PRKAG3: variants seen among roughly 807,000 people sequenced by gnomAD.
The protein encoded by PRKAG3 is protein kinase AMP-activated non-catalytic subunit gamma 3.
PRKAG3 carries 39 observed loss-of-function variants against 56.5 expected under a neutral mutation model. The ratio of observed to expected loss-of-function variants is 0.69; its 90% CI spans 0.53 to 0.90. The LOEUF is 0.90. PRKAG3 is among the 40% of genes least tolerant of loss of function. The pLI is 0.00. For synonymous variants in PRKAG3, 243 were observed against 250.1 expected (o/e 0.97, Z 0.27); for missense variants, 628 against 627.5 (o/e 1.00, Z -0.01).
chr2:218,823,937 G>T, intron 12 of PRKAG3, 59 bp from the exon 13 acceptor site: 1 of 1,527,082 alleles, frequency 6.5e-7, no homozygotes. Flanking sequence ...CAGCTACTGA[G>T]GTTGGTGCCA....
downstream of PRKAG3, chr2:218,822,864 C>T (rs1943874874): frequency 1.0e-6 from 1 of 983,770 alleles, no homozygotes; most frequent in Non-Finnish European, 1.2e-6. Flanking sequence ...TGACTAAACC[C>T]ACTGGGGCCA....
intron 4 of PRKAG3, among the ~76,000 whole-genome samples, chr2:218,829,278 T>C (rs1023007208): frequency 1.3e-5 from 2 of 151,846 alleles, no homozygotes; most frequent in African/African-American, 4.8e-5. Context: ...ATTTTTTCTG[T>C]TACCAAGAGA....
chr2:218,830,901 T>C (rs1332627582), exon 3 of PRKAG3: 4 of 1,613,558 alleles, frequency 2.5e-6, no homozygotes, highest in Non-Finnish European at 2.5e-6. Flanking sequence ...GAAGCTCATC[T>C]CTGGAAGGGG....
chr2:218,828,726 G>A (rs1028236304), intron 4 of PRKAG3, 126 bp from the exon 5 acceptor site: 1 of 757,612 alleles, frequency 1.3e-6, no homozygotes. Flanking sequence ...TTCTTCCATG[G>A]GGCCTTCTCC....
intron 2 of PRKAG3, 68 bp from the exon 3 acceptor site, chr2:218,830,969 C>T: frequency 6.5e-7 from 1 of 1,548,950 alleles, no homozygotes; most frequent in Non-Finnish European, 8.9e-7. Context: ...AAATGTTATT[C>T]ATAATCTTTA....
intron 10 of PRKAG3, among the ~76,000 whole-genome samples, chr2:218,825,621 C>T (rs1575210836): frequency 6.6e-6 from 1 of 152,136 alleles, no homozygotes; most frequent in East Asian, 1.9e-4. Context: ...GCACTTTAGC[C>T]TGAGTGACAG....
Position 218,827,909 on chromosome 2 carries a change from G to T in PRKAG3, c.775-31C>A. ...GACATCGACAGGACTCCAGAAGTCAGAAAGACGTGGGCTTCTAGGGCACCA... is the reference window on the plus strand; with the variant it reads ...GACATCGACAGGACTCCAGAAGTCATAAAGACGTGGGCTTCTAGGGCACCA... On this transcript the variant is annotated intron_variant, in intron 6 of 12. Transcript: ENST00000529249. The surrounding 1 kb of genome is among the most constrained non-coding windows in gnomAD (Gnocchi z 5.3). 4 of 1,613,288 alleles carry T rather than the reference G, an allele frequency of 2.5e-6. No homozygotes were observed. In the South Asian group the frequency reaches 3.3e-5, roughly 13 times the overall value.
intron 5 of PRKAG3, 66 bp downstream of exon 5, chr2:218,828,453 G>T: frequency 6.8e-7 from 1 of 1,471,214 alleles, no homozygotes; most frequent in Non-Finnish European, 9.3e-7. Flanking sequence ...ATCAGCCCCA[G>T]AACAACCGTA....
chr2:218,831,225 C>G, intron 2 of PRKAG3, 111 bp downstream of exon 2: 1 of 861,268 alleles, frequency 1.2e-6, no homozygotes, highest in South Asian at 1.8e-5. Flanking sequence ...GAAGAAAGAC[C>G]AAAAGGAGGA....
chr2:218,830,159 C>T (rs565420674), exon 4 of PRKAG3: 1 of 1,614,146 alleles, frequency 6.2e-7, no homozygotes, highest in South Asian at 1.1e-5. Context: ...TTCCAGCAGG[C>T]CTTCTAGCTC....
downstream of PRKAG3, chr2:218,822,950 G>T (rs1396419562): frequency 3.0e-6 from 3 of 985,658 alleles, no homozygotes; most frequent in African/African-American, 3.5e-5. Flanking sequence ...AGTGCCTCTG[G>T]TTCAGGGACC....
downstream of PRKAG3, chr2:218,822,981 TCTC>T (rs1368092322): frequency 4.4e-4 from 434 of 985,384 alleles, no homozygotes; most frequent in Non-Finnish European, 5.1e-4. Context: ...ACTCAGCTGT[TCTC>T]CTTAATTTCA....
rs141905498 is a variant in PRKAG3, at chr2:218,826,776, C to T, written c.1168+152G>A. On this transcript the variant is annotated intron_variant, in intron 10 of 12. Transcript: ENST00000529249. ...GCACAGAGAGGCTAAGCAACTTGCCCAAGTCTCAGAGTAGACGGAGACTTC... is the reference window on the plus strand; with the variant it reads ...GCACAGAGAGGCTAAGCAACTTGCCTAAGTCTCAGAGTAGACGGAGACTTC... The T allele has an allele frequency of 2.6e-3, 2,661 of 1,008,348 alleles. 7 individuals carry two copies. Among genetic ancestry groups the T allele is most frequent in the Middle Eastern group, 8.0e-3 (26 of 3,254 alleles). 62.5% of individuals were successfully genotyped at this position (1,008,348 alleles called of 1,614,324 possible). A position where few individuals can be genotyped will look rare whatever the true frequency, so the allele number is the denominator to read the frequency against.
chr2:218,831,012 A>G, intron 2 of PRKAG3, 111 bp from the exon 3 acceptor site: 1 of 1,297,982 alleles, frequency 7.7e-7, no homozygotes, highest in South Asian at 1.2e-5. Flanking sequence ...CTTTTCTCCA[A>G]CATATTTCTC....
At chr2:218,828,992 T>C (rs992574950) in intron 4 of PRKAG3, among the ~76,000 whole-genome samples, 2 of 152,132 alleles carry the variant, frequency 1.3e-5, no homozygotes, top group African/African-American at 4.8e-5. Flanking sequence ...ATTTACATAC[T>C]TTTTTTGTAG....
At chr2:218,829,812 A>G (rs949978068) in intron 4 of PRKAG3, among the ~76,000 whole-genome samples, 166 bp downstream of exon 4, 17 of 152,190 alleles carry the variant, frequency 1.1e-4, no homozygotes, top group South Asian at 2.1e-4. Flanking sequence ...AACAGAGAGT[A>G]GAAGCTGTCC....
exon 13 of PRKAG3, chr2:218,823,663 C>T: frequency 1.3e-6 from 2 of 1,599,022 alleles, no homozygotes; most frequent in Non-Finnish European, 8.5e-7. Flanking sequence ...ATAGCTGAAC[C>T]AGCAAATGGG....
At chr2:218,825,950 G>T (rs1943926321) in intron 10 of PRKAG3, among the ~76,000 whole-genome samples, 1 of 151,856 alleles carries the variant, frequency 6.6e-6, no homozygotes, top group Admixed American at 6.6e-5. Flanking sequence ...TAGTAGAGAT[G>T]GGGTTTCATC....
rs941677385 is a variant in PRKAG3, at chr2:218,825,181, A to G, written c.1169-605T>C. Among the ~76,000 whole-genome samples, 270 of 152,052 alleles carry G rather than the reference A, an allele frequency of 1.8e-3. 3 individuals are homozygous for G. Among genetic ancestry groups the G allele is most frequent in the Non-Finnish European group, 1.1e-3 (75 of 67,974 alleles). ...GAAACCCCATCTCTACTAAAGATACAAAAAATTAGCCAGGTGTGATGGCAC... is the reference window on the plus strand; with the variant it reads ...GAAACCCCATCTCTACTAAAGATACGAAAAATTAGCCAGGTGTGATGGCAC... On this transcript the variant is annotated intron_variant, in intron 10 of 12. Coordinates refer to ENST00000529249, the Ensembl canonical transcript of PRKAG3.
Sources: allele counts gnomAD v4.1 joint callset (sites outside exome capture counted in the v4.1 genomes callset), GRCh38; gene constraint gnomAD v4.1.1; non-coding constraint Gnocchi (gnomAD v3.1); transcripts MANE v1.5; gene names NCBI Gene and HGNC (gene_info 2026-07-23, HGNC 2026-07-21).